SPRED1: variants seen among roughly 807,000 people sequenced by gnomAD.
SPRED1 encodes sprouty related EVH1 domain containing 1.
In SPRED1, 18 loss-of-function variants were observed where a neutral mutation model predicts 52.3. The observed-to-expected ratio is 0.34, with a 90% CI of 0.24 to 0.51. The LOEUF (loss-of-function observed/expected upper bound fraction) is 0.51, where lower values mean the gene tolerates loss of function less well. SPRED1 is among the 20% of genes least tolerant of loss of function. The pLI, the probability that SPRED1 is intolerant of heterozygous loss-of-function variation, is 0.97. For synonymous variants in SPRED1, 155 were observed against 179.7 expected, an observed-to-expected ratio of 0.86 and a Z score of 1.10; for missense variants, 485 against 551.0, an observed-to-expected ratio of 0.88 and a Z score of 1.20.
chr15:38,320,655 A>T (rs763652644), intron 2 of SPRED1, among the ~76,000 whole-genome samples: 1 of 152,156 alleles, frequency 6.6e-6, no homozygotes, highest in Admixed American at 6.5e-5. Context: ...ACAACCTTTC[A>T]CCAAATACCA....
At chr15:38,322,752 T>G (rs1049981059) in intron 3 of SPRED1, among the ~76,000 whole-genome samples, 31 of 152,210 alleles carry the variant, frequency 2.0e-4, no homozygotes, top group Non-Finnish European at 4.1e-4. Flanking sequence ...TACTTGTGTA[T>G]GTATGACACC....
Position 38,349,522 on chromosome 15 carries a change from G to A in SPRED1, c.683G>A (p.Arg228Lys), listed in dbSNP as rs951963194. The A allele has an allele frequency of 6.3e-6, 10 of 1,597,778 alleles. No homozygotes were observed. The highest frequency in any genetic ancestry group is 3.3e-5 in the Admixed American group (2 of 59,778). ...KECGSLKSQN[R>K]VPLKSIRHVS... ...TGTGGAAGCCTAAAGTCCCAAAATAGGGTAAGTAATGTTAGTTTATCTTGT... is the reference window on the plus strand; with the variant it reads ...TGTGGAAGCCTAAAGTCCCAAAATAAGGTAAGTAATGTTAGTTTATCTTGT... Residue 228 changes from arginine to lysine, a missense_variant and splice_region_variant, in exon 6 of 7, where the codon AGG becomes AAG. Physicochemically the swap from Arg to Lys is conservative, Grantham distance 26. This residue lies in a region of SPRED1 where 232 missense variants were observed against 231.8 expected (regional missense o/e 1.00). Coordinates refer to ENST00000299084, the MANE Select transcript of SPRED1 (RefSeq NM_152594.3).
chr15:38,289,054 A>G (rs1894866918), intron 1 of SPRED1, among the ~76,000 whole-genome samples: 1 of 152,130 alleles, frequency 6.6e-6, no homozygotes, highest in African/African-American at 2.4e-5. Context: ...GGAATCAGGG[A>G]GTAGACTTGG....
chr15:38,314,518 T>TA (rs1312279474), intron 2 of SPRED1, among the ~76,000 whole-genome samples: 1 of 151,904 alleles, frequency 6.6e-6, no homozygotes, highest in Non-Finnish European at 1.5e-5. Flanking sequence ...AGCCTCCAGT[T>TA]AAATTTTATT....
intron 1 of SPRED1, among the ~76,000 whole-genome samples, chr15:38,265,932 A>AT (rs1226760221): frequency 6.6e-6 from 1 of 152,206 alleles, no homozygotes; most frequent in Admixed American, 6.5e-5. Flanking sequence ...TAAGATTCCT[A>AT]TTAGATGGAC....
intron 2 of SPRED1, among the ~76,000 whole-genome samples, chr15:38,314,550 A>G (rs184811827): frequency 6.6e-6 from 1 of 151,948 alleles, no homozygotes; most frequent in Admixed American, 6.6e-5. Context: ...TGTTTGTTCT[A>G]ATTTTTATTA....
Position 38,317,891 on chromosome 15 carries a change from A to G in SPRED1, c.208-4350A>G, listed in dbSNP as rs529914475. ...GGTATCTGTCTCTGTTACTTAATCA[A>G]GGTGTACTATACATTGTGTTTAGTA... On this transcript the variant is annotated intron_variant, in intron 2 of 6. Coordinates refer to ENST00000299084, the MANE Select transcript of SPRED1 (RefSeq NM_152594.3). Among the ~76,000 whole-genome samples the G allele has an allele frequency of 1.3e-3, 200 of 151,358 alleles. 1 individual carries two copies. Among genetic ancestry groups the G allele is most frequent in the African/African-American group, 4.5e-3 (187 of 41,272 alleles).
intron 1 of SPRED1, among the ~76,000 whole-genome samples, chr15:38,297,218 A>G (rs1009824682): frequency 6.6e-6 from 1 of 152,244 alleles, no homozygotes; most frequent in Non-Finnish European, 1.5e-5. Context: ...CCTGCTGTGT[A>G]TGAAAGGATA....
At chr15:38,324,085 G>A (rs752276082) in intron 3 of SPRED1, among the ~76,000 whole-genome samples, 8 of 152,096 alleles carry the variant, frequency 5.3e-5, no homozygotes, top group Non-Finnish European at 1.0e-4. Context: ...GTGACAAAAA[G>A]ATAAAATATG....
intron 2 of SPRED1, among the ~76,000 whole-genome samples, chr15:38,306,033 T>C (rs1036054531): frequency 6.6e-6 from 1 of 152,168 alleles, no homozygotes; most frequent in Non-Finnish European, 1.5e-5. Context: ...TTCTAACTTC[T>C]GTGTTATTTA....
chr15:38,348,590 A>G (rs1019645323), intron 5 of SPRED1, among the ~76,000 whole-genome samples: 3 of 151,952 alleles, frequency 2.0e-5, no homozygotes, highest in African/African-American at 7.3e-5. Flanking sequence ...ATCTGCATGT[A>G]TTACTATTTA....
At chr15:38,264,455 A>G (rs1224129612) in intron 1 of SPRED1, among the ~76,000 whole-genome samples, 3 of 152,254 alleles carry the variant, frequency 2.0e-5, no homozygotes, top group African/African-American at 7.2e-5. Context: ...ATGGAAAGAC[A>G]AAGAGATTTT....
At chr15:38,260,793 A>T (rs1007079346) in intron 1 of SPRED1, among the ~76,000 whole-genome samples, 2 of 152,220 alleles carry the variant, frequency 1.3e-5, no homozygotes, top group African/African-American at 4.8e-5. Context: ...AAAAACATCC[A>T]TGACACAAAA....
chr15:38,308,398 A>T (rs953889845), intron 2 of SPRED1, among the ~76,000 whole-genome samples: 1 of 152,170 alleles, frequency 6.6e-6, no homozygotes, highest in Admixed American at 6.5e-5. Flanking sequence ...ATTTTATTTA[A>T]GTCTGTACAG....
intron 1 of SPRED1, 141 bp from the exon 2 acceptor site, chr15:38,299,232 C>T (rs1895101854): frequency 1.0e-6 from 1 of 959,502 alleles, no homozygotes; most frequent in African/African-American, 1.6e-5. Flanking sequence ...AGGCTACTTT[C>T]TGTAGATTTT....
At position 38,355,650 on chromosome 15, in the gene SPRED1, C is replaced by G. The variant is rs1888602255; in HGVS notation, c.*3986C>G. The G allele has an allele frequency of 1.3e-5, 2 of 152,170 alleles. No homozygotes were observed. The highest frequency in any genetic ancestry group is 4.8e-5 in the African/African-American group (2 of 41,442). 9.4% of individuals were successfully genotyped at this position (152,170 alleles called of 1,614,324 possible). On this transcript the variant is annotated 3_prime_UTR_variant, in exon 7 of 7. Transcript: ENST00000299084. ...GGTTTTTAATTGTAGCCCAAAGGTG[C>G]ATTAAGCAAGTGTAACATTTTTTCC...
chr15:38,353,589 C>T lies in SPRED1; in HGVS notation c.*1925C>T, dbSNP rs1008168963. 6.6e-6 allele frequency: 1 copy of T among 152,528 alleles called. No homozygotes were observed. Among genetic ancestry groups the T allele is most frequent in the Non-Finnish European group, 1.5e-5 (1 of 67,946 alleles). The allele number at this position is 152,528 out of a possible 1,614,324, so 9.4% of individuals were successfully genotyped here. ...TTTATATATTTGAATGCTGCTACAA[C>T]AGATGATCTTCATCCCTGAAGTTTT... On this transcript the variant is annotated 3_prime_UTR_variant, in exon 7 of 7. Coordinates refer to ENST00000299084, the MANE Select transcript of SPRED1 (RefSeq NM_152594.3).
intron 2 of SPRED1, among the ~76,000 whole-genome samples, chr15:38,317,510 C>T (rs1290941194): frequency 6.6e-6 from 1 of 151,888 alleles, no homozygotes; most frequent in Non-Finnish European, 1.5e-5. Flanking sequence ...GCTAATTATG[C>T]CAATCTCAAA....
chr15:38,321,539 T>C (rs962608916), intron 2 of SPRED1, among the ~76,000 whole-genome samples: 2 of 152,164 alleles, frequency 1.3e-5, no homozygotes, highest in Non-Finnish European at 2.9e-5. Flanking sequence ...GACCATTAAA[T>C]CCTTACACAA....
Sources: gnomAD v4.1 joint callset for allele counts (sites outside exome capture counted in the v4.1 genomes callset) on GRCh38, gnomAD v4.1.1 for gene constraint, gnomAD v4.1.1 regional missense constraint, MANE v1.5 for transcripts, NCBI Gene and HGNC (gene_info 2026-07-23, HGNC 2026-07-21) for gene names.